Variants in RBFOX3 observed in about 807,000 individuals in gnomAD.
RBFOX3 encodes the protein RNA binding fox-1 homolog 3.
Under a neutral mutation model 48.7 loss-of-function variants are expected in RBFOX3, and 17 were observed. The observed-to-expected ratio is 0.35, with a 90% CI of 0.24 to 0.52. The LOEUF (loss-of-function observed/expected upper bound fraction) is 0.52, where lower values mean the gene tolerates loss of function less well. RBFOX3 is among the 20% of genes least tolerant of loss of function. The pLI is 0.94. For missense variants in RBFOX3, 382 were observed against 497.5 expected (o/e 0.77, Z 2.21); for synonymous variants, 212 against 209.5 (o/e 1.01, Z -0.10).
At chr17:79,463,764 T>C (rs1275746288) in intron 2 of RBFOX3, among the ~76,000 whole-genome samples, 5 of 68,392 alleles carry the variant, frequency 7.3e-5, no homozygotes, top group Non-Finnish European at 1.2e-4. Context: ...TCTACCGCCA[T>C]CACCACTGCC....
At chr17:79,649,296 C>T in the RBFOX3 span, among the ~76,000 whole-genome samples, 3 of 152,192 alleles carry the variant, frequency 2.0e-5, no homozygotes, top group Non-Finnish European at 4.4e-5. Context: ...TAAACATCTA[C>T]TGGGACAAGC....
At chr17:79,656,497 G>A in the RBFOX3 span, among the ~76,000 whole-genome samples, 1 of 151,790 alleles carries the variant, frequency 6.6e-6, no homozygotes, top group Admixed American at 6.6e-5. Context: ...GCCTGTAATC[G>A]CAGCTATTCG....
intron 4 of RBFOX3, among the ~76,000 whole-genome samples, chr17:79,174,667 A>C (rs2050149072): frequency 6.7e-6 from 1 of 149,066 alleles, no homozygotes; most frequent in South Asian, 2.2e-4. Flanking sequence ...GCACACAACC[A>C]CTCACACACA....
chr17:79,412,322 GTGTGTGGTGTGTATGCACATGTTGTGATA>G (rs796356822), intron 2 of RBFOX3, among the ~76,000 whole-genome samples: 126 of 152,064 alleles, frequency 8.3e-4, no homozygotes, highest in African/African-American at 2.4e-3. Flanking sequence ...GTATATAAAT[GTGTGTGGTGTGTATGCACATGTTGTGATA>G]TGTGTGGTGT....
intron 1 of RBFOX3, among the ~76,000 whole-genome samples, chr17:79,608,053 G>A (rs1002628745): frequency 2.6e-5 from 4 of 152,286 alleles, no homozygotes; most frequent in South Asian, 4.1e-4. Context: ...GCCTGAGGGC[G>A]GCCGCCCGCA....
intron 4 of RBFOX3, among the ~76,000 whole-genome samples, chr17:79,167,256 G>A (rs766461268): frequency 5.3e-5 from 8 of 152,056 alleles, no homozygotes; most frequent in Admixed American, 1.3e-4. Context: ...TGCCAGGCTC[G>A]GGGAGTGCTA....
At chr17:79,511,960 G>C (rs2084332316) in intron 1 of RBFOX3, among the ~76,000 whole-genome samples, 1 of 148,566 alleles carries the variant, frequency 6.7e-6, no homozygotes, top group East Asian at 2.0e-4. Flanking sequence ...CCATGGCCAG[G>C]GGACACCCAC....
At chr17:79,298,462 G>C (rs1290116654) in intron 3 of RBFOX3, 1 of 152,214 alleles carries the variant, frequency 6.6e-6, no homozygotes, top group East Asian at 1.9e-4. Context: ...TGACTAACAA[G>C]GGTTTTCCAG....
At chr17:79,531,120 A>G (rs903237679) in intron 1 of RBFOX3, among the ~76,000 whole-genome samples, 3 of 152,230 alleles carry the variant, frequency 2.0e-5, no homozygotes, top group Admixed American at 6.5e-5. Context: ...TTCTCCTTGG[A>G]AGAACGGGCA....
intron 3 of RBFOX3, among the ~76,000 whole-genome samples, chr17:79,267,025 G>A (rs890205882): frequency 7.9e-5 from 12 of 152,226 alleles, no homozygotes; most frequent in Non-Finnish European, 1.0e-4. Context: ...TTTGCAGCTG[G>A]CTGGTCAGAA....
chr17:79,556,701 TG>T (rs2091787045), intron 1 of RBFOX3, among the ~76,000 whole-genome samples: 1 of 152,206 alleles, frequency 6.6e-6, no homozygotes, highest in Non-Finnish European at 1.5e-5. Flanking sequence ...AAATATTTAC[TG>T]GCAAAAGGCA....
At chr17:79,527,416 G>A (rs2086945618) in intron 1 of RBFOX3, among the ~76,000 whole-genome samples, 1 of 152,344 alleles carries the variant, frequency 6.6e-6, no homozygotes, top group South Asian at 2.1e-4. Flanking sequence ...CACTAAAAAA[G>A]AACCTGGGGG....
chr17:79,151,962 G>A (rs1323242727), intron 4 of RBFOX3, among the ~76,000 whole-genome samples: 1 of 151,440 alleles, frequency 6.6e-6, no homozygotes, highest in African/African-American at 2.4e-5. Flanking sequence ...GGGAGGTGCA[G>A]GGGGAGCTCC....
intron 3 of RBFOX3, among the ~76,000 whole-genome samples, chr17:79,272,008 C>T (rs1345762933): frequency 1.3e-5 from 2 of 152,248 alleles, no homozygotes; most frequent in East Asian, 1.9e-4. Flanking sequence ...CAAAATAGCC[C>T]GCTGGGTGGG....
intron 4 of RBFOX3, among the ~76,000 whole-genome samples, chr17:79,219,292 C>G (rs551855559): frequency 6.6e-6 from 1 of 152,210 alleles, no homozygotes; most frequent in Non-Finnish European, 1.5e-5. Flanking sequence ...TCACCCTACA[C>G]GGAAAGCACA....
chr17:79,643,066 C>T, the RBFOX3 span, among the ~76,000 whole-genome samples: 9 of 152,106 alleles, frequency 5.9e-5, no homozygotes, highest in African/African-American at 1.4e-4. Context: ...CACACCACTC[C>T]ACTCTGGCCT....
chr17:79,266,238 G>A (rs1004853438), intron 3 of RBFOX3, among the ~76,000 whole-genome samples: 2 of 152,174 alleles, frequency 1.3e-5, no homozygotes, highest in African/African-American at 4.8e-5. Flanking sequence ...ATCCCCAGCT[G>A]ATGTGGGAGC....
At chr17:79,634,225 C>A in the RBFOX3 span, among the ~76,000 whole-genome samples, 6 of 152,364 alleles carry the variant, frequency 3.9e-5, no homozygotes, top group South Asian at 1.2e-3. Context: ...GTAAGAACTG[C>A]AGATCCATCT....
rs2088608301 is a variant in RBFOX3, at chr17:79,535,703, T to C, written c.-319-53105A>G. Among the ~76,000 whole-genome samples, 1 of 152,080 alleles carries C rather than the reference T, an allele frequency of 6.6e-6. No homozygotes were observed. ...GCAAGGTTGCCTGTGTTGGGGACAG[T>C]CAATCGGACATAGGAATAACGTGTC... On this transcript the variant is annotated intron_variant, in intron 1 of 14. Transcript: ENST00000693108. This position sits in a 1 kb window ranked among gnomAD's most constrained non-coding sequence, Gnocchi z 4.5.
Sources: gnomAD v4.1 joint callset for allele counts (sites outside exome capture counted in the v4.1 genomes callset) on GRCh38, gnomAD v4.1.1 for gene constraint, Gnocchi (gnomAD v3.1) non-coding constraint, MANE v1.5 for transcripts, NCBI Gene and HGNC (gene_info 2026-07-23, HGNC 2026-07-21) for gene names.